RNASE10: variants seen among roughly 807,000 people sequenced by gnomAD.
The protein encoded by RNASE10 is ribonuclease A family member 10 (inactive), also known as inactive ribonuclease-like protein 10.
Under a neutral mutation model 1.1 loss-of-function variants are expected in RNASE10, and 2 were observed. The observed-to-expected ratio is 1.82, with a 90% CI of 0.74 to 5.73. RNASE10 has a LOEUF of 5.73. RNASE10 is among the 30% of genes most tolerant of loss of function. The pLI is 0.05. For synonymous variants in RNASE10, 97 were observed against 96.2 expected (o/e 1.01, Z -0.05); for missense variants, 276 against 263.4 (o/e 1.05, Z -0.33).
chr14:20,506,330 G>C (rs1418325431), intron 1 of RNASE10, among the ~76,000 whole-genome samples: 3 of 121,956 alleles, frequency 2.5e-5, no homozygotes, highest in Admixed American at 1.6e-4. Context: ...TCAGCCCCCC[G>C]CCCGGCCAGC....
At chr14:20,506,635 C>A (rs1882731290) in intron 1 of RNASE10, among the ~76,000 whole-genome samples, 1 of 103,834 alleles carries the variant, frequency 9.6e-6, no homozygotes. Flanking sequence ...CAGCCCCCCG[C>A]CTGGCCAGCC....
chr14:20,507,628 A>AT (rs1882784416), intron 1 of RNASE10, among the ~76,000 whole-genome samples: 1 of 83,946 alleles, frequency 1.2e-5, no homozygotes, highest in Admixed American at 1.1e-4. Flanking sequence ...ATAAATAAAT[A>AT]AATAAATAAA....
chr14:20,507,579 C>A (rs1265600760), intron 1 of RNASE10, among the ~76,000 whole-genome samples: 1 of 137,286 alleles, frequency 7.3e-6, no homozygotes. Context: ...TGCCAAATCC[C>A]CCTCTGCGAG....
upstream of RNASE10, among the ~76,000 whole-genome samples, chr14:20,504,725 C>G (rs555315681): frequency 7.3e-6 from 1 of 137,044 alleles, no homozygotes; most frequent in Admixed American, 7.5e-5. Context: ...TCATTACAAC[C>G]TTCTCTCACA....
At chr14:20,511,702 T>C (rs1882904093), downstream of RNASE10, among the ~76,000 whole-genome samples, 1 of 152,208 alleles carries the variant, frequency 6.6e-6, no homozygotes, top group African/African-American at 2.4e-5. Flanking sequence ...GAAGATGGGC[T>C]GGAGCAAGAA....
At chr14:20,505,926 C>A (rs1457042096) in exon 1 of RNASE10, 3 of 115,242 alleles carry the variant, frequency 2.6e-5, no homozygotes, top group Non-Finnish European at 5.3e-5. Context: ...TCTGCCCGGC[C>A]GCCCATCGTC....
intron 1 of RNASE10, among the ~76,000 whole-genome samples, chr14:20,509,011 G>T (rs1176002966): frequency 1.3e-5 from 2 of 151,506 alleles, no homozygotes; most frequent in South Asian, 2.1e-4. Flanking sequence ...GTGTCTCTTT[G>T]TTAAGGGGAT....
At chr14:20,505,021 G>A (rs1415273559), upstream of RNASE10, among the ~76,000 whole-genome samples, 1 of 152,030 alleles carries the variant, frequency 6.6e-6, no homozygotes, top group East Asian at 2.0e-4. Context: ...AATTGCTAGA[G>A]GAGCAGAAGT....
downstream of RNASE10, among the ~76,000 whole-genome samples, chr14:20,513,247 G>T (rs1295243821): frequency 1.3e-5 from 2 of 151,694 alleles, no homozygotes; most frequent in African/African-American, 4.9e-5. Context: ...TGTTTAATCT[G>T]ACCACGTAGA....
chr14:20,507,611 T>A (rs28817111), intron 1 of RNASE10, among the ~76,000 whole-genome samples: 43,418 of 137,170 alleles, frequency 0.32, 7,121 homozygotes, highest in African/African-American at 0.45. Context: ...AATGATCAAT[T>A]AAAAAAATAA....
exon 2 of RNASE10, chr14:20,510,985 C>G: frequency 6.2e-7 from 1 of 1,601,948 alleles, no homozygotes; most frequent in Non-Finnish European, 8.5e-7. Context: ...AAGCTCCCGA[C>G]CTTTTGATTT....
Position 20,509,694 on chromosome 14 carries a change from A to G in RNASE10, c.80-773A>G, listed in dbSNP as rs190851337. 2.3e-3 allele frequency among the ~76,000 whole-genome samples: 350 copies of G among 152,296 alleles called. 3 individuals are homozygous for G. The highest frequency in any genetic ancestry group is 8.0e-3 in the African/African-American group (333 of 41,554). On this transcript the variant is annotated intron_variant, in intron 1 of 1. Coordinates refer to ENST00000430083, the Ensembl canonical transcript of RNASE10. Reference sequence around the variant, plus strand: ...GCAAATTTGGGTTAAAAATAAAGAGATGGTCTTCTGTGGTAAATCTAGTCC... The same window carrying G: ...GCAAATTTGGGTTAAAAATAAAGAGGTGGTCTTCTGTGGTAAATCTAGTCC...
At chr14:20,504,580 T>C (rs550131801), upstream of RNASE10, among the ~76,000 whole-genome samples, 11 of 143,580 alleles carry the variant, frequency 7.7e-5, no homozygotes, top group Non-Finnish European at 9.0e-5. Context: ...CCCAGCTACT[T>C]GGGAGGCTGA....
upstream of RNASE10, among the ~76,000 whole-genome samples, chr14:20,504,574 G>GC (rs1423866392): frequency 6.7e-6 from 1 of 149,754 alleles, no homozygotes; most frequent in Non-Finnish European, 1.5e-5. Flanking sequence ...TGTAGTCCCA[G>GC]CTACTTGGGA....
intron 1 of RNASE10, among the ~76,000 whole-genome samples, chr14:20,506,445 G>A (rs1304407839): frequency 3.8e-5 from 5 of 131,872 alleles, no homozygotes; most frequent in Non-Finnish European, 8.3e-5. Flanking sequence ...GGGGAGGGGG[G>A]GTCAGCCCCC....
chr14:20,509,484 A>G (rs1010038314), intron 1 of RNASE10, among the ~76,000 whole-genome samples: 4 of 152,236 alleles, frequency 2.6e-5, no homozygotes, highest in Non-Finnish European at 5.9e-5. Flanking sequence ...GAGATCTTTA[A>G]TAGTAGAAGG....
chr14:20,512,620 A>C (rs1882924356), downstream of RNASE10, among the ~76,000 whole-genome samples: 1 of 152,210 alleles, frequency 6.6e-6, no homozygotes, highest in Non-Finnish European at 1.5e-5. Flanking sequence ...CAACCACTTT[A>C]GTATCCTCCT....
downstream of RNASE10, among the ~76,000 whole-genome samples, chr14:20,511,743 C>G (rs958765932): frequency 3.9e-5 from 6 of 152,100 alleles, no homozygotes; most frequent in Non-Finnish European, 8.8e-5. Context: ...CCTTCACTGC[C>G]CTTTTCTCTT....
intron 1 of RNASE10, 47 bp from the exon 2 acceptor site, chr14:20,510,420 A>G: frequency 7.0e-6 from 11 of 1,566,716 alleles, no homozygotes; most frequent in African/African-American, 1.4e-5. Context: ...ACTAGAGCCA[A>G]TTTTGATCTC....
Sources: gnomAD v4.1 joint callset for allele counts (sites outside exome capture counted in the v4.1 genomes callset) on GRCh38, gnomAD v4.1.1 for gene constraint, MANE v1.5 for transcripts, NCBI Gene and HGNC (gene_info 2026-07-23, HGNC 2026-07-21) for gene names.